The following CDYL variants were observed in gnomAD, a reference collection of about 807,000 sequenced individuals.
CDYL encodes chromodomain Y-like protein.
CDYL carries 8 observed loss-of-function variants against 47.3 expected under a neutral mutation model. The ratio of observed to expected loss-of-function variants is 0.17; its 90% confidence interval spans 0.10 to 0.31. The LOEUF is 0.31. Among genes scored for constraint, CDYL ranks in the 10% least tolerant of loss-of-function variants. CDYL has a pLI of 1.00. For missense variants in CDYL, 471 were observed against 701.4 expected (o/e 0.67, Z 3.71); for synonymous variants, 266 against 265.0 (o/e 1.00, Z -0.04).
At chr6:4,921,001 GTGTGTGTGTGTGTA>G (rs1394222405) in intron 2 of CDYL, among the ~76,000 whole-genome samples, 1 of 151,672 alleles carries the variant, frequency 6.6e-6, no homozygotes, top group Non-Finnish European at 1.5e-5. Context: ...ACATCTGTGT[GTGTGTGTGTGTGTA>G]TGTGTGGCTT....
chr6:4,927,374 C>G (rs1757906293), intron 2 of CDYL, among the ~76,000 whole-genome samples: 1 of 134,526 alleles, frequency 7.4e-6, no homozygotes, highest in African/African-American at 2.7e-5. Context: ...TTTTTTAACT[C>G]AGATCAATTT....
chr6:4,849,982 T>C (rs1760776683), intron 1 of CDYL, among the ~76,000 whole-genome samples: 1 of 151,730 alleles, frequency 6.6e-6, no homozygotes, highest in Admixed American at 6.6e-5. Context: ...CTAACTAGAG[T>C]GGACTAGCTG....
chr6:4,728,782 A>G (rs1014740430), intron 2 of CDYL, among the ~76,000 whole-genome samples: 1 of 152,196 alleles, frequency 6.6e-6, no homozygotes, highest in Non-Finnish European at 1.5e-5. Context: ...ATGGGCTCAG[A>G]GCCCTTTCTG....
intron 2 of CDYL, among the ~76,000 whole-genome samples, chr6:4,893,403 G>A (rs537967598): frequency 1.3e-5 from 2 of 152,158 alleles, no homozygotes; most frequent in Non-Finnish European, 2.9e-5. Context: ...TCTTAAAATT[G>A]TCTCTTTAGC....
chr6:4,859,103 A>G (rs1246194947), intron 1 of CDYL, among the ~76,000 whole-genome samples: 1 of 152,142 alleles, frequency 6.6e-6, no homozygotes, highest in Non-Finnish European at 1.5e-5. Flanking sequence ...AGCCTTTTTC[A>G]TGGGAAGGTT....
chr6:4,900,779 GTATATATATATATATATATATATATA>G lies in CDYL; in HGVS notation c.691+8426_691+8451del, dbSNP rs59594195. Among the ~76,000 whole-genome samples, 137 of 51,714 alleles carry G rather than the reference GTATATATATATATATATATATATATA, an allele frequency of 2.6e-3. 20 individuals carry two copies. Among genetic ancestry groups the G allele is most frequent in the East Asian group, 0.02 (34 of 1,672 alleles). The allele number at this position is 51,714 out of a possible 152,430, so 33.9% of individuals were successfully genotyped here. A position where few individuals can be genotyped will look rare whatever the true frequency, so the allele number is the denominator to read the frequency against. ...TCTTCTGTTAATTCCGTATACGTGT[GTATATATATATATATATATATATATA>G]TATATATATATATATATATATATAT... On this transcript the variant is annotated intron_variant, in intron 2 of 6. Transcript: ENST00000397588.
intron 1 of CDYL, among the ~76,000 whole-genome samples, chr6:4,801,454 G>A (rs1012167989): frequency 1.3e-5 from 2 of 152,214 alleles, no homozygotes; most frequent in South Asian, 4.1e-4. Flanking sequence ...GACATATGCT[G>A]TAGTGAGTCT....
chr6:4,828,584 T>C (rs1448292437), intron 1 of CDYL, among the ~76,000 whole-genome samples: 2 of 152,212 alleles, frequency 1.3e-5, no homozygotes, highest in African/African-American at 2.4e-5. Flanking sequence ...TTGATTATGA[T>C]GTGTCTCAGT....
At chr6:4,902,085 C>T (rs531822807) in intron 2 of CDYL, among the ~76,000 whole-genome samples, 1 of 152,176 alleles carries the variant, frequency 6.6e-6, no homozygotes, top group East Asian at 1.9e-4. Context: ...CAGGGGAAAG[C>T]CAGGGCTAGT....
At chr6:4,926,179 A>G (rs1190400127) in intron 2 of CDYL, among the ~76,000 whole-genome samples, 1 of 152,204 alleles carries the variant, frequency 6.6e-6, no homozygotes, top group African/African-American at 2.4e-5. Flanking sequence ...TTATGAAGAA[A>G]AGAGGTATTG....
At chr6:4,847,289 G>A (rs180913273) in intron 1 of CDYL, among the ~76,000 whole-genome samples, 5 of 152,254 alleles carry the variant, frequency 3.3e-5, no homozygotes, top group East Asian at 3.9e-4. Flanking sequence ...GCCCCCATCC[G>A]TCCCTGTCTC....
Position 4,918,669 on chromosome 6 carries a change from A to T in CDYL, c.692-16846A>T, listed in dbSNP as rs760224660. Among the ~76,000 whole-genome samples the T allele has an allele frequency of 7.0e-4, 107 of 152,230 alleles. 3 individuals are homozygous for T. Among genetic ancestry groups the T allele is most frequent in the Admixed American group, 1.3e-3 (20 of 15,286 alleles). On this transcript the variant is annotated intron_variant, in intron 2 of 6. Transcript: ENST00000397588. ...TGACCGCGCTTGAATAAAGTTTTCCATTAACTTCTTCAAATAATGGAGTTC... is the reference window on the plus strand; with the variant it reads ...TGACCGCGCTTGAATAAAGTTTTCCTTTAACTTCTTCAAATAATGGAGTTC...
intron 1 of CDYL, among the ~76,000 whole-genome samples, chr6:4,833,379 G>A (rs1439732852): frequency 6.6e-6 from 1 of 151,696 alleles, no homozygotes; most frequent in Non-Finnish European, 1.5e-5. Context: ...GTAGTTGAGT[G>A]GTTTTGAGTG....
At chr6:4,762,399 A>G (rs1001238022) in intron 3 of CDYL, among the ~76,000 whole-genome samples, 6 of 152,288 alleles carry the variant, frequency 3.9e-5, no homozygotes, top group African/African-American at 1.4e-4. Context: ...TCTGGCACAT[A>G]ATAAAAAATA....
At chr6:4,709,128 A>G (rs897192129) in intron 1 of CDYL, among the ~76,000 whole-genome samples, 12 of 152,136 alleles carry the variant, frequency 7.9e-5, no homozygotes, top group African/African-American at 2.9e-4. Flanking sequence ...CAACCCTTCC[A>G]TACACCTCAT....
At chr6:4,778,340 A>T (rs1267961508) in intron 1 of CDYL, among the ~76,000 whole-genome samples, 1 of 152,252 alleles carries the variant, frequency 6.6e-6, no homozygotes, top group Non-Finnish European at 1.5e-5. Flanking sequence ...GTAGCACCTT[A>T]TACGTAAGTT....
intron 1 of CDYL, among the ~76,000 whole-genome samples, chr6:4,806,742 C>G (rs1297641734): frequency 6.6e-6 from 1 of 152,188 alleles, no homozygotes; most frequent in Non-Finnish European, 1.5e-5. Context: ...CAAAGAGTGC[C>G]TTTAAGTTCT....
chr6:4,909,087 C>G (rs1757328646), intron 2 of CDYL, among the ~76,000 whole-genome samples: 1 of 152,194 alleles, frequency 6.6e-6, no homozygotes, highest in African/African-American at 2.4e-5. Flanking sequence ...AGATGGTGTT[C>G]TCTGTATTTC....
intron 3 of CDYL, among the ~76,000 whole-genome samples, chr6:4,761,190 G>C (rs1185277651): frequency 6.6e-6 from 1 of 152,142 alleles, no homozygotes; most frequent in Non-Finnish European, 1.5e-5. Context: ...GGCAGATAAA[G>C]ACCAAGATTG....
Sources: allele counts gnomAD v4.1 joint callset (sites outside exome capture counted in the v4.1 genomes callset), GRCh38; gene constraint gnomAD v4.1.1; transcripts MANE v1.5; gene names NCBI Gene and HGNC (gene_info 2026-07-23, HGNC 2026-07-21).